PPP4R4: variants seen among roughly 807,000 people sequenced by gnomAD.
PPP4R4 encodes protein phosphatase 4 regulatory subunit 4, also known as serine/threonine-protein phosphatase 4 regulatory subunit 4.
PPP4R4 carries 70 observed loss-of-function variants against 121.8 expected under a neutral mutation model. That is an observed-to-expected ratio of 0.57 (90% CI 0.47 to 0.70). The LOEUF (loss-of-function observed/expected upper bound fraction) is 0.70, where lower values mean the gene tolerates loss of function less well. Among genes scored for constraint, PPP4R4 ranks in the 30% least tolerant of loss-of-function variants. PPP4R4 has a pLI of 0.00. For synonymous variants in PPP4R4, 348 were observed against 355.7 expected (o/e 0.98, Z 0.24); for missense variants, 875 against 1,033.6 (o/e 0.85, Z 2.10).
chr14:94,231,118 G>T, intron 4 of PPP4R4, 124 bp from the exon 5 acceptor site: 1 of 722,602 alleles, frequency 1.4e-6, no homozygotes. Context: ...AAACTTTTTA[G>T]AATAGTAATG....
At chr14:94,254,830 T>C (rs2139609393) in intron 16 of PPP4R4, among the ~76,000 whole-genome samples, 1 of 152,318 alleles carries the variant, frequency 6.6e-6, no homozygotes, top group East Asian at 1.9e-4. Flanking sequence ...AAAGGCTTTT[T>C]TTTAGGCTCT....
rs751899328 is a variant in PPP4R4, at chr14:94,233,772, A to T, written c.623+13A>T. ...TTGATGCCCACACGTGAGTATTTGT[A>T]TGTAATTTTCGGTCTACTTTATTAC... On this transcript the variant is annotated intron_variant, in intron 6 of 24. Transcript: ENST00000304338. The T allele has an allele frequency of 1.3e-6, 2 of 1,497,806 alleles. No individual in the cohort carries two copies. Among genetic ancestry groups the T allele is most frequent in the African/African-American group, 1.4e-5 (1 of 72,028 alleles). The allele number at this position is 1,497,806 out of a possible 1,614,324, so 92.8% of individuals were successfully genotyped here.
intron 16 of PPP4R4, among the ~76,000 whole-genome samples, chr14:94,255,600 CAA>C (rs199694473): frequency 1.1e-3 from 144 of 127,306 alleles, no homozygotes; most frequent in African/African-American, 3.3e-3. Context: ...GACTCTGTCT[CAA>C]AAAAAAAAAA....
intron 19 of PPP4R4, 135 bp from the exon 20 acceptor site, chr14:94,264,743 C>T (rs1471896221): frequency 2.9e-6 from 2 of 689,514 alleles, no homozygotes; most frequent in Non-Finnish European, 5.0e-6. Flanking sequence ...TCTTTAGACA[C>T]TAACATTGGA....
intron 3 of PPP4R4, among the ~76,000 whole-genome samples, chr14:94,214,688 AACTTT>A (rs1170111226): frequency 1.3e-5 from 2 of 152,158 alleles, no homozygotes; most frequent in African/African-American, 4.8e-5. Context: ...TAGAAAGCTT[AACTTT>A]ACTTTTTTAA....
chr14:94,229,555 T>G (rs1185331014), intron 3 of PPP4R4, among the ~76,000 whole-genome samples: 1 of 152,208 alleles, frequency 6.6e-6, no homozygotes, highest in South Asian at 2.1e-4. Context: ...TAGTAATTAT[T>G]TAAACGTTCA....
intron 8 of PPP4R4, among the ~76,000 whole-genome samples, chr14:94,238,011 A>G (rs1368736625): frequency 6.6e-6 from 1 of 152,212 alleles, no homozygotes; most frequent in Non-Finnish European, 1.5e-5. Context: ...GCCTCATGCC[A>G]CCTCGTAATC....
chr14:94,186,481 C>T (rs189061390), intron 2 of PPP4R4, among the ~76,000 whole-genome samples: 18 of 152,226 alleles, frequency 1.2e-4, no homozygotes, highest in South Asian at 1.0e-3. Context: ...GGGTATAACA[C>T]ATCTTGTTTA....
At chr14:94,222,352 A>G (rs79724211) in intron 3 of PPP4R4, among the ~76,000 whole-genome samples, 2,914 of 152,006 alleles carry the variant, frequency 0.019, 91 homozygotes, top group African/African-American at 0.066. Flanking sequence ...GACATTACAA[A>G]AAGGACATAT....
At chr14:94,211,055 C>A (rs1890714755) in intron 3 of PPP4R4, among the ~76,000 whole-genome samples, 1 of 152,100 alleles carries the variant, frequency 6.6e-6, no homozygotes, top group Admixed American at 6.6e-5. Flanking sequence ...CATGATTTCT[C>A]AATTTTTTAA....
At chr14:94,242,001 C>G (rs1214121976) in intron 10 of PPP4R4, 44 bp downstream of exon 10, 5 of 1,509,676 alleles carry the variant, frequency 3.3e-6, no homozygotes, top group Admixed American at 2.1e-5. Context: ...TTTATTATAA[C>G]TTTAAAATAT....
Position 94,259,339 on chromosome 14 carries a change from A to G in PPP4R4, c.2097A>G (p.Lys699=), listed in dbSNP as rs945849896. 1.9e-6 allele frequency: 3 copies of G among 1,611,116 alleles called. No homozygotes were observed. The highest frequency in any genetic ancestry group is 2.5e-6 in the Non-Finnish European group (3 of 1,179,150). ...FYEKDLLDQE[K]EREELLLLEM... ...AGAAAGATTTGTTGGATCAAGAGAA[A>G]GAAAGAGAAGAACTACTTCTTTTGG... Residue 699 remains lysine (K), a synonymous_variant, in exon 19 of 25, where the codon AAA becomes AAG. Coordinates refer to ENST00000304338, the MANE Select transcript of PPP4R4 (RefSeq NM_058237.2).
chr14:94,241,882 C>T lies in PPP4R4; in HGVS notation c.1071C>T (p.Asn357=). 2 of 1,610,818 alleles carry T rather than the reference C, an allele frequency of 1.2e-6. No homozygotes were observed. The highest frequency in any genetic ancestry group is 1.7e-6 in the Non-Finnish European group (2 of 1,178,366). ...AACAAGAAAATGGACACAATGAAAA[C>T]CAGATTCCACCCCAAATCCTAGAGC... The part of the protein sequence containing the change: ...GLQQENGHNE[N]QIPPQILEQE... Residue 357 remains asparagine (N), a synonymous_variant, in exon 10 of 25, where the codon AAC becomes AAT. Transcript: ENST00000304338.
chr14:94,265,895 C>T lies in PPP4R4; in HGVS notation c.2378+8C>T. 1 of 1,496,446 alleles carries T rather than the reference C, an allele frequency of 6.7e-7. No individual in the cohort carries two copies. The highest frequency in any genetic ancestry group is 9.1e-7 in the Non-Finnish European group (1 of 1,095,670). 92.7% of individuals were successfully genotyped at this position (1,496,446 alleles called of 1,614,324 possible). A position where few individuals can be genotyped will look rare whatever the true frequency, so the allele number is the denominator to read the frequency against. ...CTTAGAGAAATGTGCTAGGTACGAT[C>T]TGTAAGCCCTTCAATTTTTAACATA... is the stretch of plus-strand genomic sequence containing the variant. On this transcript the variant is annotated splice_region_variant and intron_variant, in intron 22 of 24. Coordinates refer to ENST00000304338, the MANE Select transcript of PPP4R4 (RefSeq NM_058237.2).
chr14:94,278,291 A>G (rs1277884006), intron 24 of PPP4R4, among the ~76,000 whole-genome samples: 1 of 152,204 alleles, frequency 6.6e-6, no homozygotes. Flanking sequence ...GGCAGTTCAT[A>G]TATTTATGCC....
intron 3 of PPP4R4, among the ~76,000 whole-genome samples, chr14:94,209,089 A>G (rs1230243012): frequency 2.0e-5 from 3 of 151,900 alleles, no homozygotes; most frequent in Admixed American, 6.6e-5. Flanking sequence ...TGTTTGATCT[A>G]TTACATTCTT....
intron 3 of PPP4R4, among the ~76,000 whole-genome samples, chr14:94,223,564 C>G (rs1347640515): frequency 1.3e-5 from 2 of 152,292 alleles, no homozygotes; most frequent in African/African-American, 4.8e-5. Context: ...GCAAATACCC[C>G]CAGGCCCAAA....
intron 3 of PPP4R4, among the ~76,000 whole-genome samples, chr14:94,218,939 A>G (rs1029181929): frequency 2.0e-5 from 3 of 152,152 alleles, no homozygotes; most frequent in Non-Finnish European, 2.9e-5. Context: ...AGTCAACTGA[A>G]ATATATACCC....
At chr14:94,185,523 AT>A (rs1487794656) in intron 2 of PPP4R4, among the ~76,000 whole-genome samples, 2 of 152,188 alleles carry the variant, frequency 1.3e-5, no homozygotes, top group East Asian at 1.9e-4. Context: ...AACAAAAAAA[AT>A]AAAATGAAAA....
Sources: allele counts gnomAD v4.1 joint callset (sites outside exome capture counted in the v4.1 genomes callset), GRCh38; gene constraint gnomAD v4.1.1; transcripts MANE v1.5; gene names NCBI Gene and HGNC (gene_info 2026-07-23, HGNC 2026-07-21).